MAP3K13: variants seen among roughly 807,000 people sequenced by gnomAD.
MAP3K13 encodes leucine zipper-bearing kinase.
A neutral mutation model predicts 104.0 loss-of-function variants in MAP3K13; 52 were observed. That is an observed-to-expected ratio of 0.50 (90% CI 0.40 to 0.63). The LOEUF is 0.63. Ranked by LOEUF, MAP3K13 falls within the 20% of genes least tolerant of loss-of-function variation. The pLI, the probability that MAP3K13 is intolerant of heterozygous loss-of-function variation, is 0.00. For missense variants in MAP3K13, 914 were observed against 1,218.5 expected, an observed-to-expected ratio of 0.75 and a Z score of 3.72; for synonymous variants, 394 against 442.2, an observed-to-expected ratio of 0.89 and a Z score of 1.37.
At chr3:185,430,291 G>T (rs1560102507) in intron 2 of MAP3K13, among the ~76,000 whole-genome samples, 1 of 152,046 alleles carries the variant, frequency 6.6e-6, no homozygotes, top group Non-Finnish European at 1.5e-5. Context: ...TGAAGCCCTG[G>T]TGTTCTTTAT....
chr3:185,459,542 G>A (rs11712592), intron 7 of MAP3K13, among the ~76,000 whole-genome samples: 98,859 of 151,846 alleles, frequency 0.65, 33,637 homozygotes, highest in Non-Finnish European at 0.76. Context: ...CCACCTCCCA[G>A]GTTCAAGCTA....
intron 1 of MAP3K13, among the ~76,000 whole-genome samples, chr3:185,385,752 C>T (rs1422372400): frequency 6.7e-6 from 1 of 149,422 alleles, no homozygotes; most frequent in African/African-American, 2.4e-5. Flanking sequence ...CCTATAGTCC[C>T]AGCACTTTGG....
At chr3:185,441,645 G>A (rs539436681) in intron 3 of MAP3K13, among the ~76,000 whole-genome samples, 36 of 152,312 alleles carry the variant, frequency 2.4e-4, no homozygotes, top group African/African-American at 8.4e-4. Context: ...GCTCACGCCT[G>A]TAATCCCAGC....
In MAP3K13 at chr3:185,284,629, C is replaced by A. The variant is rs1327972254; in HGVS notation, c.-204-896C>A. 4.6e-5 allele frequency among the ~76,000 whole-genome samples: 7 copies of A among 152,136 alleles called. No homozygotes were observed. The East Asian group carries it at 1.2e-3, about 25-fold the overall frequency. On this transcript the variant is annotated intron_variant, in intron 1 of 14. Coordinates refer to the MAP3K13 transcript ENST00000424227. ...TACTTGGGAGCTGAGGCGCGAGAAT[C>A]GCTTGAAGCCGGGAGGGGGAGGTTG...
chr3:185,415,090 A>G (rs1713669597), intron 1 of MAP3K13, among the ~76,000 whole-genome samples: 1 of 152,168 alleles, frequency 6.6e-6, no homozygotes, highest in African/African-American at 2.4e-5. Context: ...GAGCCAGTCT[A>G]TTCTTACTAA....
intron 3 of MAP3K13, among the ~76,000 whole-genome samples, chr3:185,441,256 G>A (rs1445603133): frequency 2.0e-5 from 3 of 151,376 alleles, no homozygotes; most frequent in South Asian, 4.2e-4. Flanking sequence ...AAATGTCCTT[G>A]AAAAATAGAA....
chr3:185,484,208 G>A lies in MAP3K13; in HGVS notation c.*1752G>A, dbSNP rs571657576. 6.6e-5 allele frequency: 10 copies of A among 152,344 alleles called. 2 individuals are homozygous for A. The South Asian group carries it at 2.1e-3, about 32-fold the overall frequency. 9.4% of individuals were successfully genotyped at this position (152,344 alleles called of 1,614,324 possible). The stretch of plus-strand genomic sequence containing the variant: ...ATTTGTGGAAAGAACAAGGGATGCT[G>A]AGCAGGGATAGGAAGGATTTTTACA... On this transcript the variant is annotated 3_prime_UTR_variant, in exon 14 of 14. Transcript: ENST00000265026.
chr3:185,390,306 A>T (rs1279350859), intron 1 of MAP3K13, among the ~76,000 whole-genome samples: 1 of 152,120 alleles, frequency 6.6e-6, no homozygotes, highest in Admixed American at 6.6e-5. Context: ...TATTATCTCT[A>T]ATTTCCAGTT....
At chr3:185,472,782 G>A (rs1194997454) in intron 10 of MAP3K13, among the ~76,000 whole-genome samples, 193 bp from the exon 11 acceptor site, 1 of 152,120 alleles carries the variant, frequency 6.6e-6, no homozygotes, top group African/African-American at 2.4e-5. Context: ...AAAATTTTGA[G>A]ATCCATGCAT....
At chr3:185,359,287 G>A (rs1252712288), upstream of MAP3K13, among the ~76,000 whole-genome samples, 2 of 152,100 alleles carry the variant, frequency 1.3e-5, no homozygotes, top group African/African-American at 4.8e-5. Flanking sequence ...CATGAGAACA[G>A]TATGGAGGAA....
chr3:185,443,331 A>G (rs1280976342), intron 3 of MAP3K13, 114 bp from the exon 4 acceptor site: 5 of 689,330 alleles, frequency 7.3e-6, no homozygotes, highest in African/African-American at 1.8e-5. Flanking sequence ...TATTATCTAT[A>G]CACATTTTTA....
intron 2 of MAP3K13, among the ~76,000 whole-genome samples, chr3:185,316,297 C>T (rs796160623): frequency 7.2e-5 from 11 of 152,198 alleles, no homozygotes; most frequent in African/African-American, 2.4e-4. Context: ...GAAATAGTTA[C>T]AAATTCTTTA....
chr3:185,421,943 T>C (rs577867455), intron 1 of MAP3K13, among the ~76,000 whole-genome samples: 1 of 152,374 alleles, frequency 6.6e-6, no homozygotes, highest in Non-Finnish European at 1.5e-5. Context: ...TTTGTTCTTG[T>C]ACCTCTCTAT....
At chr3:185,377,149 A>G (rs1050695052) in intron 1 of MAP3K13, among the ~76,000 whole-genome samples, 2 of 152,190 alleles carry the variant, frequency 1.3e-5, no homozygotes, top group Non-Finnish European at 2.9e-5. Flanking sequence ...ATCCTGAACT[A>G]ACCTGCAAGT....
chr3:185,335,033 C>A (rs1424085643), intron 2 of MAP3K13, among the ~76,000 whole-genome samples: 3 of 136,552 alleles, frequency 2.2e-5, no homozygotes, highest in Admixed American at 7.5e-5. Flanking sequence ...GAACCAGAAA[C>A]CTTAAAAAAA....
At chr3:185,430,499 T>G (rs912031225) in intron 2 of MAP3K13, among the ~76,000 whole-genome samples, 1 of 152,120 alleles carries the variant, frequency 6.6e-6, no homozygotes, top group Non-Finnish European at 1.5e-5. Context: ...CCTCTCTTTG[T>G]GTCTATGTTT....
intron 3 of MAP3K13, among the ~76,000 whole-genome samples, chr3:185,438,145 A>C (rs1715144969): frequency 6.6e-6 from 1 of 152,100 alleles, no homozygotes; most frequent in Non-Finnish European, 1.5e-5. Context: ...AATTTTTTTT[A>C]ATTAGCTGAA....
Position 185,357,092 on chromosome 3 carries a change from TAAG to T in MAP3K13, c.-85-71401_-85-71399del, listed in dbSNP as rs1195748231. Among the ~76,000 whole-genome samples, 7 of 150,286 alleles carry T rather than the reference TAAG, an allele frequency of 4.7e-5. No homozygotes were observed. The East Asian group carries it at 1.3e-3, about 29-fold the overall frequency. On this transcript the variant is annotated intron_variant, in intron 2 of 14. Transcript: ENST00000424227. ...AATCAAAGAATAGAAGTTAGAGAGT[TAAG>T]AAGTTTTTTTTTTTTCTCTCTCTCT...
At position 185,405,134 on chromosome 3, in the gene MAP3K13, T is replaced by G. The variant is rs189811063; in HGVS notation, c.-85-23363T>G. 2.0e-5 allele frequency among the ~76,000 whole-genome samples: 3 copies of G among 152,306 alleles called. No individual in the cohort carries two copies. In the East Asian group the frequency reaches 5.8e-4, roughly 29 times the overall value. ...TATTTCTACCTGACTACTGTTAGAT[T>G]TCTAGAAGTGGTTCTGAAGAATGTG... On this transcript the variant is annotated intron_variant, in intron 1 of 13. Coordinates refer to ENST00000265026, the MANE Select transcript of MAP3K13 (RefSeq NM_004721.5).
Sources: allele counts gnomAD v4.1 joint callset (sites outside exome capture counted in the v4.1 genomes callset), GRCh38; gene constraint gnomAD v4.1.1; transcripts MANE v1.5; gene names NCBI Gene and HGNC (gene_info 2026-07-23, HGNC 2026-07-21).